The following NKAIN3 variants were observed in gnomAD, a reference collection of about 807,000 sequenced individuals.
NKAIN3 encodes the protein sodium/potassium transporting ATPase interacting 3, also known as sodium/potassium-transporting ATPase subunit beta-1-interacting protein 3.
In NKAIN3, 25 loss-of-function variants were observed where a neutral mutation model predicts 30.2. That is an observed-to-expected ratio of 0.83 (90% CI 0.60 to 1.16). NKAIN3 has a LOEUF of 1.16. NKAIN3 is among the 50% of genes most tolerant of loss of function. The pLI, the probability that NKAIN3 is intolerant of heterozygous loss-of-function variation, is 0.00. For synonymous variants in NKAIN3, 91 were observed against 89.6 expected, an observed-to-expected ratio of 1.02 and a Z score of -0.09; for missense variants, 225 against 254.1, an observed-to-expected ratio of 0.89 and a Z score of 0.78.
At chr8:62,793,138 C>A in intron 4 of NKAIN3, among the ~76,000 whole-genome samples, 1 of 151,752 alleles carries the variant, frequency 6.6e-6, no homozygotes, top group Middle Eastern at 3.2e-3. Flanking sequence ...CTGACACATC[C>A]GCTTGTGAGA....
chr8:62,879,070 C>G (rs1482656611), intron 4 of NKAIN3, among the ~76,000 whole-genome samples: 1 of 152,144 alleles, frequency 6.6e-6, no homozygotes, highest in Non-Finnish European at 1.5e-5. Context: ...AGTTCTAGAT[C>G]CCTGAGGAAT....
At chr8:62,682,486 G>T (rs1246762884) in intron 3 of NKAIN3, among the ~76,000 whole-genome samples, 3 of 152,168 alleles carry the variant, frequency 2.0e-5, no homozygotes, top group African/African-American at 7.2e-5. Context: ...ACAGAACGTG[G>T]GGGAGGGGTT....
At chr8:62,416,746 G>A (rs1486360237) in intron 1 of NKAIN3, among the ~76,000 whole-genome samples, 1 of 152,000 alleles carries the variant, frequency 6.6e-6, no homozygotes, top group African/African-American at 2.4e-5. Flanking sequence ...TGTAATCCCA[G>A]CACTTTGTGA....
rs573251037 is a variant in NKAIN3 at position 62,451,946 on chromosome 8, T to C, written c.55-127593T>C. Among the ~76,000 whole-genome samples, 21 of 152,316 alleles carry C rather than the reference T, an allele frequency of 1.4e-4. No homozygotes were observed. In the South Asian group the frequency reaches 4.1e-3, roughly 30 times the overall value. On this transcript the variant is annotated intron_variant, in intron 1 of 6. Coordinates refer to ENST00000623646, the MANE Select transcript of NKAIN3 (RefSeq NM_001304533.3). ...AACATTACCTTTATATGTAGACTGC[T>C]TGCTGCTTTATTTATTTTCCAGGAT...
chr8:62,451,115 A>T (rs1217691225), intron 1 of NKAIN3, among the ~76,000 whole-genome samples: 1 of 152,198 alleles, frequency 6.6e-6, no homozygotes, highest in Non-Finnish European at 1.5e-5. Flanking sequence ...GAGAATAGGC[A>T]GCTATCACCC....
At chr8:62,649,777 C>T (rs1812570974) in intron 3 of NKAIN3, among the ~76,000 whole-genome samples, 1 of 152,144 alleles carries the variant, frequency 6.6e-6, no homozygotes, top group Non-Finnish European at 1.5e-5. Context: ...GTTGGCATCT[C>T]AGAGCCACCC....
At chr8:62,738,928 T>G (rs1489113136) in intron 3 of NKAIN3, among the ~76,000 whole-genome samples, 1 of 152,140 alleles carries the variant, frequency 6.6e-6, no homozygotes, top group Admixed American at 6.5e-5. Flanking sequence ...TGGAATACTA[T>G]GCAGCCATAA....
chr8:62,509,292 C>A (rs1585888303), intron 1 of NKAIN3, among the ~76,000 whole-genome samples: 1 of 151,928 alleles, frequency 6.6e-6, no homozygotes, highest in Non-Finnish European at 1.5e-5. Flanking sequence ...TACTTTGCAC[C>A]CCAGATCCTG....
intron 1 of NKAIN3, among the ~76,000 whole-genome samples, chr8:62,490,905 T>C (rs1807047786): frequency 6.6e-6 from 1 of 152,136 alleles, no homozygotes; most frequent in South Asian, 2.1e-4. Flanking sequence ...ATAATAGTTC[T>C]CCAAATTCAT....
intron 1 of NKAIN3, among the ~76,000 whole-genome samples, chr8:62,471,956 C>A (rs1315015295): frequency 2.0e-5 from 3 of 151,080 alleles, no homozygotes; most frequent in Non-Finnish European, 4.4e-5. Context: ...AAGGCAAGAC[C>A]CTATCTCAAA....
chr8:62,914,083 G>A (rs371115466), intron 4 of NKAIN3, among the ~76,000 whole-genome samples: 8 of 152,170 alleles, frequency 5.3e-5, no homozygotes, highest in African/African-American at 9.6e-5. Context: ...GTAAAAACAC[G>A]GAATCAACCC....
At chr8:62,777,163 G>T (rs1278534576) in intron 4 of NKAIN3, among the ~76,000 whole-genome samples, 2 of 152,070 alleles carry the variant, frequency 1.3e-5, no homozygotes, top group African/African-American at 2.4e-5. Context: ...TTATTGAATA[G>T]TTTGAGGAGC....
intron 3 of NKAIN3, among the ~76,000 whole-genome samples, chr8:62,659,360 A>C (rs1812867799): frequency 0.011 from 1 of 88 alleles, no homozygotes; most frequent in African/African-American, 0.056. Flanking sequence ...GGCACTTGCC[A>C]GTTTCTATAT....
chr8:62,708,291 T>C (rs2130486415), intron 3 of NKAIN3, among the ~76,000 whole-genome samples: 1 of 152,302 alleles, frequency 6.6e-6, no homozygotes, highest in East Asian at 1.9e-4. Context: ...GGGAATTGCA[T>C]TGAATTTGTA....
chr8:62,692,175 A>T (rs1813990878), intron 3 of NKAIN3, among the ~76,000 whole-genome samples: 1 of 152,172 alleles, frequency 6.6e-6, no homozygotes, highest in African/African-American at 2.4e-5. Flanking sequence ...TCTGTTGGCC[A>T]GAGAAAATGA....
At chr8:62,403,681 G>T (rs942084913) in intron 1 of NKAIN3, among the ~76,000 whole-genome samples, 2 of 152,224 alleles carry the variant, frequency 1.3e-5, no homozygotes, top group Admixed American at 6.5e-5. Flanking sequence ...GTATGGAAAT[G>T]CCTCGATGTC....
chr8:62,571,133 A>T (rs1809923052), intron 1 of NKAIN3, among the ~76,000 whole-genome samples: 2 of 127,572 alleles, frequency 1.6e-5, no homozygotes, highest in African/African-American at 5.6e-5. Context: ...TTATTGAAAT[A>T]GGCTTATTTT....
At chr8:62,270,305 C>T (rs994661653) in intron 1 of NKAIN3, among the ~76,000 whole-genome samples, 1 of 152,080 alleles carries the variant, frequency 6.6e-6, no homozygotes, top group Non-Finnish European at 1.5e-5. Flanking sequence ...TGGTCATGAA[C>T]TACTTGGCTC....
intron 1 of NKAIN3, among the ~76,000 whole-genome samples, chr8:62,479,224 G>A (rs528185607): frequency 6.6e-6 from 1 of 152,206 alleles, no homozygotes; most frequent in Admixed American, 6.5e-5. Context: ...GATCAATTGT[G>A]TTATTATTAT....
Sources: gnomAD v4.1 joint callset for allele counts (sites outside exome capture counted in the v4.1 genomes callset) on GRCh38, gnomAD v4.1.1 for gene constraint, MANE v1.5 for transcripts, NCBI Gene and HGNC (gene_info 2026-07-23, HGNC 2026-07-21) for gene names.